The following SLAMF1 variants were observed in gnomAD, a reference collection of about 807,000 sequenced individuals.
SLAMF1 encodes the protein signaling lymphocytic activation molecule.
SLAMF1 carries 18 observed loss-of-function variants against 35.1 expected under a neutral mutation model. The observed-to-expected ratio is 0.51, with a 90% confidence interval of 0.35 to 0.76. The LOEUF (loss-of-function observed/expected upper bound fraction) is 0.76, where lower values mean the gene tolerates loss of function less well. SLAMF1 is among the 30% of genes least tolerant of loss of function. The pLI is 0.01. For missense variants in SLAMF1, 392 were observed against 413.0 expected (o/e 0.95, Z 0.44); for synonymous variants, 168 against 157.2 (o/e 1.07, Z -0.51).
intron 4 of SLAMF1, among the ~76,000 whole-genome samples, chr1:160,620,441 C>T (rs1659547023): frequency 6.6e-6 from 1 of 152,086 alleles, no homozygotes; most frequent in African/African-American, 2.4e-5. Context: ...TTCTGTTGCC[C>T]ACCATCTGGA....
At chr1:160,618,895 T>C (rs529382780) in intron 5 of SLAMF1, among the ~76,000 whole-genome samples, 1 of 152,156 alleles carries the variant, frequency 6.6e-6, no homozygotes, top group African/African-American at 2.4e-5. Context: ...TGGAGTTTAG[T>C]TGGGGGAAGG....
At chr1:160,623,370 A>T (rs1038598979) in intron 4 of SLAMF1, 2 of 392,024 alleles carry the variant, frequency 5.1e-6, no homozygotes, top group African/African-American at 4.1e-5. Flanking sequence ...AGATTTTTTT[A>T]TATATGCAAA....
At position 160,636,211 on chromosome 1, in the gene SLAMF1, C is replaced by T. The variant is rs182792784; in HGVS notation, c.415+980G>A. 2.4e-4 allele frequency among the ~76,000 whole-genome samples: 37 copies of T among 152,322 alleles called. No individual in the cohort carries two copies. In the East Asian group the frequency reaches 6.2e-3, roughly 25 times the overall value. On this transcript the variant is annotated intron_variant, in intron 2 of 6. Coordinates refer to ENST00000302035, the MANE Select transcript of SLAMF1 (RefSeq NM_003037.5). Reference sequence around the variant, plus strand: ...GTGCAGCCTCCACGCTCATGGCAGTCGTGCCTGGAGCCACTGCTGGAAATG... The same window carrying T: ...GTGCAGCCTCCACGCTCATGGCAGTTGTGCCTGGAGCCACTGCTGGAAATG...
At chr1:160,613,623 A>G (rs867576558) in intron 5 of SLAMF1, among the ~76,000 whole-genome samples, 36 of 152,232 alleles carry the variant, frequency 2.4e-4, no homozygotes, top group African/African-American at 8.7e-4. Context: ...ACTTGAAGCC[A>G]CACCACATGT....
chr1:160,645,414 T>C (rs550911423), intron 1 of SLAMF1, among the ~76,000 whole-genome samples: 2 of 152,356 alleles, frequency 1.3e-5, no homozygotes, highest in Non-Finnish European at 2.9e-5. Context: ...TTGGATAGAC[T>C]TGCCTTGTGG....
In SLAMF1 at chr1:160,642,589, G is replaced by GT. The variant is rs1660809988; in HGVS notation, c.76+4280dup. Among the ~76,000 whole-genome samples, 1 of 152,180 alleles carries GT rather than the reference G, an allele frequency of 6.6e-6. No homozygotes were observed. The highest frequency in any genetic ancestry group is 1.5e-5 in the Non-Finnish European group (1 of 68,032). ...CATAGTAGGAGCTCAGTAAATCCTT[G>GT]TTGCCCAAGTGAATTAATAAAACAG... On this transcript the variant is annotated intron_variant, in intron 1 of 6. Coordinates refer to ENST00000302035, the MANE Select transcript of SLAMF1 (RefSeq NM_003037.5). The surrounding 1 kb of genome is among the most constrained non-coding windows in gnomAD (Gnocchi z 4.2).
chr1:160,636,834 G>A (rs944348664), intron 2 of SLAMF1, among the ~76,000 whole-genome samples: 2 of 151,990 alleles, frequency 1.3e-5, no homozygotes, highest in Non-Finnish European at 2.9e-5. Flanking sequence ...TTTGATCTGT[G>A]GTATTCAACT....
At chr1:160,644,850 T>A (rs145093082) in intron 1 of SLAMF1, among the ~76,000 whole-genome samples, 175 of 152,266 alleles carry the variant, frequency 1.1e-3, no homozygotes, top group East Asian at 7.7e-4. Context: ...CCCACGCACT[T>A]GTCCCTCACC....
chr1:160,631,990 A>G (rs1660190773), intron 3 of SLAMF1, among the ~76,000 whole-genome samples: 2 of 152,066 alleles, frequency 1.3e-5, no homozygotes, highest in East Asian at 3.9e-4. Flanking sequence ...ATATGAAGAG[A>G]CAAGGAGAAG....
intron 5 of SLAMF1, among the ~76,000 whole-genome samples, chr1:160,614,554 C>T (rs1659183942): frequency 7.0e-6 from 1 of 142,728 alleles, no homozygotes. Flanking sequence ...AGCCTGGCGA[C>T]AGAGTGAGAC....
chr1:160,642,452 A>G lies in SLAMF1; in HGVS notation c.76+4418T>C, dbSNP rs1194558875. ...ATGAACGCACTCCTTCATATCATTCATCACGTGTTCAACTCTGGTTCAATG... is the reference window on the plus strand; with the variant it reads ...ATGAACGCACTCCTTCATATCATTCGTCACGTGTTCAACTCTGGTTCAATG... On this transcript the variant is annotated intron_variant, in intron 1 of 6. Coordinates refer to ENST00000302035, the MANE Select transcript of SLAMF1 (RefSeq NM_003037.5). This position sits in a 1 kb window ranked among gnomAD's most constrained non-coding sequence, Gnocchi z 4.2. Among the ~76,000 whole-genome samples, 1 of 152,156 alleles carries G rather than the reference A, an allele frequency of 6.6e-6. No individual in the cohort carries two copies. The highest frequency in any genetic ancestry group is 1.5e-5 in the Non-Finnish European group (1 of 68,026).
At chr1:160,626,578 C>T (rs978438305) in intron 3 of SLAMF1, among the ~76,000 whole-genome samples, 1 of 152,128 alleles carries the variant, frequency 6.6e-6, no homozygotes, top group Non-Finnish European at 1.5e-5. Flanking sequence ...GCTTATTTCA[C>T]CCAACCCACT....
At chr1:160,610,912 G>A (rs1173498962) in intron 6 of SLAMF1, 114 bp from the exon 7 acceptor site, 1 of 849,140 alleles carries the variant, frequency 1.2e-6, no homozygotes, top group South Asian at 1.5e-5. Flanking sequence ...CATGGCTTGT[G>A]CAGGGTCTGT....
intron 6 of SLAMF1, among the ~76,000 whole-genome samples, chr1:160,611,542 G>A (rs1658987713): frequency 2.0e-5 from 3 of 152,158 alleles, no homozygotes; most frequent in South Asian, 2.1e-4. Context: ...TAAGGTGGAT[G>A]CAGGCATTTG....
chr1:160,640,862 C>T (rs1660708992), intron 1 of SLAMF1, among the ~76,000 whole-genome samples: 4 of 152,102 alleles, frequency 2.6e-5, no homozygotes, highest in Admixed American at 2.6e-4. Context: ...AGTGCTCTCC[C>T]CTGCTGCTTG....
chr1:160,629,429 C>T (rs1177972056), intron 3 of SLAMF1, among the ~76,000 whole-genome samples: 1 of 152,132 alleles, frequency 6.6e-6, no homozygotes, highest in Non-Finnish European at 1.5e-5. Context: ...GATACTGCGA[C>T]GTTAGCGTAA....
intron 1 of SLAMF1, among the ~76,000 whole-genome samples, chr1:160,646,132 T>C (rs959405612): frequency 3.3e-5 from 5 of 152,210 alleles, no homozygotes; most frequent in Admixed American, 6.5e-5. Flanking sequence ...GGGAAGAAGA[T>C]AGACAGAAAG....
chr1:160,621,196 G>A (rs948257945), intron 4 of SLAMF1, among the ~76,000 whole-genome samples: 5 of 152,202 alleles, frequency 3.3e-5, no homozygotes, highest in South Asian at 4.1e-4. Context: ...CCAGGCAGAG[G>A]CAATGGAGGC....
intron 3 of SLAMF1, among the ~76,000 whole-genome samples, chr1:160,633,713 C>A (rs996287004): frequency 6.6e-6 from 1 of 152,188 alleles, no homozygotes; most frequent in African/African-American, 2.4e-5. Context: ...TGTCCTGTAT[C>A]CAAGTGGTTA....
Sources: gnomAD v4.1 joint callset for allele counts (sites outside exome capture counted in the v4.1 genomes callset) on GRCh38, gnomAD v4.1.1 for gene constraint, Gnocchi (gnomAD v3.1) non-coding constraint, MANE v1.5 for transcripts, NCBI Gene and HGNC (gene_info 2026-07-23, HGNC 2026-07-21) for gene names.